PLA2G2D: variants seen among roughly 807,000 people sequenced by gnomAD.
PLA2G2D encodes phospholipase A2 group IID, also known as group IID secretory phospholipase A2.
PLA2G2D carries 17 observed loss-of-function variants against 13.9 expected under a neutral mutation model. That is an observed-to-expected ratio of 1.23 (90% CI 0.84 to 1.84). The LOEUF is 1.84. Among genes scored for constraint, PLA2G2D ranks in the 40% most tolerant of loss-of-function variants. The pLI, the probability that PLA2G2D is intolerant of heterozygous loss-of-function variation, is 0.00. For missense variants in PLA2G2D, 194 were observed against 178.7 expected (o/e 1.09, Z -0.49); for synonymous variants, 83 against 69.3 (o/e 1.20, Z -0.98).
At chr1:20,118,555 G>T (rs1569873755) in intron 1 of PLA2G2D, among the ~76,000 whole-genome samples, 1 of 152,182 alleles carries the variant, frequency 6.6e-6, no homozygotes, top group African/African-American at 2.4e-5. Context: ...CATCTTTCAT[G>T]CATGTGCCAT....
At chr1:20,116,566 A>G in intron 1 of PLA2G2D, 89 bp from the exon 2 acceptor site, 1 of 1,135,938 alleles carries the variant, frequency 8.8e-7, no homozygotes, top group Non-Finnish European at 1.3e-6. Flanking sequence ...TGCTCTGCCC[A>G]GACCAAATGA....
In PLA2G2D at chr1:20,113,949, G is replaced by A; in HGVS notation, c.*165C>T. Reference sequence around the variant, plus strand: ...ACACAGCTACTGCCTCAACTGGGAGGATTCGGAAAGCTTCAGAAGGTCAGA... The same window carrying A: ...ACACAGCTACTGCCTCAACTGGGAGAATTCGGAAAGCTTCAGAAGGTCAGA... On this transcript the variant is annotated 3_prime_UTR_variant, in exon 4 of 4. Coordinates refer to ENST00000375105, the MANE Select transcript of PLA2G2D (RefSeq NM_012400.4). 1 of 565,036 alleles carries A rather than the reference G, an allele frequency of 1.8e-6. No individual in the cohort carries two copies. Among genetic ancestry groups the A allele is most frequent in the Non-Finnish European group, 3.2e-6 (1 of 316,596 alleles). 35.0% of individuals were successfully genotyped at this position (565,036 alleles called of 1,614,324 possible). A position where few individuals can be genotyped will look rare whatever the true frequency, so the allele number is the denominator to read the frequency against.
chr1:20,113,789 T>C lies in PLA2G2D; in HGVS notation c.*325A>G. 1 of 281,624 alleles carries C rather than the reference T, an allele frequency of 3.6e-6. No homozygotes were observed. The highest frequency in any genetic ancestry group is 9.7e-5 in the South Asian group (1 of 10,312). 17.4% of individuals were successfully genotyped at this position (281,624 alleles called of 1,614,324 possible). On this transcript the variant is annotated 3_prime_UTR_variant, in exon 4 of 4. Coordinates refer to ENST00000375105, the MANE Select transcript of PLA2G2D (RefSeq NM_012400.4). ...AGCTCCGAGACTATATTGGAGGGGGTGAGGAAGGACAAGGGGGCCAGCAGG... is the reference window on the plus strand; with the variant it reads ...AGCTCCGAGACTATATTGGAGGGGGCGAGGAAGGACAAGGGGGCCAGCAGG...
At position 20,116,255 on chromosome 1, in the gene PLA2G2D, G is replaced by T. The variant is rs1569871046; in HGVS notation, c.185+78C>A. On this transcript the variant is annotated intron_variant, in intron 2 of 3. Transcript: ENST00000375105. ...CAAAATGGATTCAACTCAACTAAATGAACAGGTGGGTGGAGAGAAAAGAAG... is the reference window on the plus strand; with the variant it reads ...CAAAATGGATTCAACTCAACTAAATTAACAGGTGGGTGGAGAGAAAAGAAG... 4 of 1,401,554 alleles carry T rather than the reference G, an allele frequency of 2.9e-6. No individual in the cohort carries two copies. The East Asian group carries it at 6.9e-5, about 24-fold the overall frequency. 86.8% of individuals were successfully genotyped at this position (1,401,554 alleles called of 1,614,324 possible).
rs2016932800 is a variant in PLA2G2D at position 20,113,938 on chromosome 1, T to A, written c.*176A>T. On this transcript the variant is annotated 3_prime_UTR_variant, in exon 4 of 4. Coordinates refer to ENST00000375105, the MANE Select transcript of PLA2G2D (RefSeq NM_012400.4). ...ACCCTCAGAGGACACAGCTACTGCC[T>A]CAACTGGGAGGATTCGGAAAGCTTC... 1.8e-6 allele frequency: 1 copy of A among 541,440 alleles called. No individual in the cohort carries two copies. Among genetic ancestry groups the A allele is most frequent in the Non-Finnish European group, 3.3e-6 (1 of 300,766 alleles). 33.5% of individuals were successfully genotyped at this position (541,440 alleles called of 1,614,324 possible). A position where few individuals can be genotyped will look rare whatever the true frequency, so the allele number is the denominator to read the frequency against.
In PLA2G2D at chr1:20,113,994, C is replaced by CG; in HGVS notation, c.*119dup. ...GTCAGAAGGCATTGGTAGAGGGTTC[C>CG]GGGGGAGGCTGGGACTACCTCCCCC... On this transcript the variant is annotated 3_prime_UTR_variant, in exon 4 of 4. Transcript: ENST00000375105. 1 of 844,916 alleles carries CG rather than the reference C, an allele frequency of 1.2e-6. No homozygotes were observed. The highest frequency in any genetic ancestry group is 1.9e-6 in the Non-Finnish European group (1 of 537,518). The allele number at this position is 844,916 out of a possible 1,614,324, so 52.3% of individuals were successfully genotyped here. A position where few individuals can be genotyped will look rare whatever the true frequency, so the allele number is the denominator to read the frequency against.
chr1:20,116,214 C>A, intron 2 of PLA2G2D, 119 bp downstream of exon 2: 1 of 1,060,024 alleles, frequency 9.4e-7, no homozygotes, highest in Non-Finnish European at 1.4e-6. Flanking sequence ...GTATTTAGCA[C>A]ATAGTAGATG....
At position 20,119,489 on chromosome 1, in the gene PLA2G2D, C is replaced by T. The variant is rs368613686; in HGVS notation, c.10G>A (p.Ala4Thr). 47 of 1,613,860 alleles carry T rather than the reference C, an allele frequency of 2.9e-5. No homozygotes were observed. Among genetic ancestry groups the T allele is most frequent in the Middle Eastern group, 1.6e-4 (1 of 6,084 alleles). Residue 4 changes from alanine to threonine, a missense_variant, in exon 1 of 4, where the codon GCA becomes ACA. Coordinates refer to ENST00000375105, the MANE Select transcript of PLA2G2D (RefSeq NM_012400.4). ...ATCACCACCAGCCCACACAGCAGTG[C>T]AAGTTCCATGATCCCAGCACAGAGC... MEL[A>T]LLCGLVVMAG...
intron 1 of PLA2G2D, among the ~76,000 whole-genome samples, chr1:20,116,840 C>T (rs1015826004): frequency 6.6e-5 from 10 of 151,666 alleles, no homozygotes; most frequent in Non-Finnish European, 1.2e-4. Context: ...ATTAACTGGG[C>T]GTGGTGGTGG....
intron 3 of PLA2G2D, 39 bp downstream of exon 3, chr1:20,115,468 T>C (rs1397843021): frequency 5.1e-6 from 6 of 1,182,044 alleles, no homozygotes; most frequent in Non-Finnish European, 7.6e-6. Flanking sequence ...TCTCCCTTCC[T>C]GGGGTCTCCA....
At chr1:20,117,351 A>G (rs189734966) in intron 1 of PLA2G2D, among the ~76,000 whole-genome samples, 2 of 152,188 alleles carry the variant, frequency 1.3e-5, no homozygotes, top group East Asian at 3.9e-4. Context: ...TTCCCACTCC[A>G]TAATAGGAAG....
At position 20,113,932 on chromosome 1, in the gene PLA2G2D, A is replaced by G. The variant is rs62541904; in HGVS notation, c.*182T>C. 1.2e-3 allele frequency: 627 copies of G among 534,100 alleles called. 2 individuals are homozygous for G. Among genetic ancestry groups the G allele is most frequent in the African/African-American group, 0.011 (543 of 51,542 alleles). 33.1% of individuals were successfully genotyped at this position (534,100 alleles called of 1,614,324 possible). On this transcript the variant is annotated 3_prime_UTR_variant, in exon 4 of 4. Transcript: ENST00000375105. ...CCATCCACCCTCAGAGGACACAGCT[A>G]CTGCCTCAACTGGGAGGATTCGGAA...
At position 20,118,064 on chromosome 1, in the gene PLA2G2D, C is replaced by T. The variant is rs114045244; in HGVS notation, c.40+1395G>A. Among the ~76,000 whole-genome samples, 1,313 of 152,172 alleles carry T rather than the reference C, an allele frequency of 8.6e-3. 14 individuals are homozygous for T. The highest frequency in any genetic ancestry group is 0.03 in the African/African-American group (1,228 of 41,502). On this transcript the variant is annotated intron_variant, in intron 1 of 3. Coordinates refer to ENST00000375105, the MANE Select transcript of PLA2G2D (RefSeq NM_012400.4). ...CTTTGGCTGCACTGGTGAAGGATCCCGGGCCCTCTGGAATCATACACAATC... is the reference window on the plus strand; with the variant it reads ...CTTTGGCTGCACTGGTGAAGGATCCTGGGCCCTCTGGAATCATACACAATC...
rs753932745 is a variant in PLA2G2D at position 20,115,562 on chromosome 1, G to A, written c.237C>T (p.Cys79=). Reference sequence around the variant, plus strand: ...ATCTGTAATAGTCCTTGTAGATGCTGCACCCCTGGGTCTTCAGGTGGTCAT... The same window carrying A: ...ATCTGTAATAGTCCTTGTAGATGCTACACCCCTGGGTCTTCAGGTGGTCAT... The part of the protein sequence containing the change: ...CCYDHLKTQG[C]SIYKDYYRYN... The change falls in exon 3 of 4, where the codon TGC becomes TGT. Residue 79 remains cysteine, a synonymous_variant. Coordinates refer to ENST00000375105, the MANE Select transcript of PLA2G2D (RefSeq NM_012400.4). The A allele has an allele frequency of 3.0e-5, 49 of 1,612,374 alleles. No individual in the cohort carries two copies. The African/African-American group carries it at 3.5e-4, about 11-fold the overall frequency.
intron 1 of PLA2G2D, 58 bp from the exon 2 acceptor site, chr1:20,116,535 A>T: frequency 6.4e-7 from 1 of 1,571,076 alleles, no homozygotes; most frequent in Non-Finnish European, 8.8e-7. Flanking sequence ...GGCAGCGCCA[A>T]TGGGCACAGG....
chr1:20,114,186 G>A lies in PLA2G2D; in HGVS notation c.366C>T (p.Asn122=), dbSNP rs1052248180. 2 of 1,613,934 alleles carry A rather than the reference G, an allele frequency of 1.2e-6. No homozygotes were observed. The highest frequency in any genetic ancestry group is 1.7e-6 in the Non-Finnish European group (2 of 1,179,968). ...GCAGTCGCTTCTGGTAGGTGTCCAG[G>A]TTGCGCTTCAGGCAGAAGGCCACCT... ...DKEVAFCLKR[N]LDTYQKRLRF... Residue 122 remains asparagine, a synonymous_variant, in exon 4 of 4, where the codon AAC becomes AAT. Transcript: ENST00000375105.
Position 20,116,327 on chromosome 1 carries a change from A to G in PLA2G2D, c.185+6T>C. The G allele has an allele frequency of 1.2e-6, 2 of 1,614,004 alleles. No homozygotes were observed. Among genetic ancestry groups the G allele is most frequent in the Non-Finnish European group, 1.7e-6 (2 of 1,179,818 alleles). On this transcript the variant is annotated splice_donor_region_variant and intron_variant, in intron 2 of 3. Coordinates refer to ENST00000375105, the MANE Select transcript of PLA2G2D (RefSeq NM_012400.4). ...ATAGGATTGCCAGCCCTGAGAAAGG[A>G]GTTACCAGTCCGTGGCATCTTTGGG...
Position 20,114,035 on chromosome 1 carries a change from G to A in PLA2G2D, c.*79C>T. On this transcript the variant is annotated 3_prime_UTR_variant, in exon 4 of 4. Transcript: ENST00000375105. ...TACCTCCCCCCGGAGTGTTTGAAAA[G>A]CCAGGCTGGTTCAGGTTAGATACTG... 2 of 1,397,882 alleles carry A rather than the reference G, an allele frequency of 1.4e-6. No homozygotes were observed. The highest frequency in any genetic ancestry group is 2.0e-6 in the Non-Finnish European group (2 of 1,014,958). The allele number at this position is 1,397,882 out of a possible 1,614,324, so 86.6% of individuals were successfully genotyped here.
At position 20,113,974 on chromosome 1, in the gene PLA2G2D, A is replaced by C; in HGVS notation, c.*140T>G. The C allele has an allele frequency of 1.5e-6, 1 of 672,032 alleles. No homozygotes were observed. Among genetic ancestry groups the C allele is most frequent in the South Asian group, 2.0e-5 (1 of 48,818 alleles). 41.6% of individuals were successfully genotyped at this position (672,032 alleles called of 1,614,324 possible). ...GATTCGGAAAGCTTCAGAAGGTCAG[A>C]AGGCATTGGTAGAGGGTTCCGGGGG... On this transcript the variant is annotated 3_prime_UTR_variant, in exon 4 of 4. Transcript: ENST00000375105.
Sources: gnomAD v4.1 joint callset for allele counts (sites outside exome capture counted in the v4.1 genomes callset) on GRCh38, gnomAD v4.1.1 for gene constraint, MANE v1.5 for transcripts, NCBI Gene and HGNC (gene_info 2026-07-23, HGNC 2026-07-21) for gene names.